The following FSD1L variants were observed in gnomAD, a reference collection of about 807,000 sequenced individuals.
FSD1L encodes FSD1-like protein.
A neutral mutation model predicts 71.6 loss-of-function variants in FSD1L; 45 were observed. The observed-to-expected ratio is 0.63, with a 90% confidence interval of 0.49 to 0.81. The LOEUF (loss-of-function observed/expected upper bound fraction) is 0.81. Ranked by LOEUF, FSD1L falls within the 30% of genes least tolerant of loss-of-function variation. FSD1L has a pLI of 0.00. For synonymous variants in FSD1L, 197 were observed against 207.2 expected, an observed-to-expected ratio of 0.95 and a Z score of 0.42; for missense variants, 561 against 618.1, an observed-to-expected ratio of 0.91 and a Z score of 0.98.
chr9:105,519,040 A>G (rs1176325080), intron 10 of FSD1L, among the ~76,000 whole-genome samples: 1 of 152,270 alleles, frequency 6.6e-6, no homozygotes. Context: ...CTCTATGCAA[A>G]TAAACTAGAA....
At chr9:105,513,257 C>G (rs1431088688) in intron 10 of FSD1L, among the ~76,000 whole-genome samples, 1 of 152,058 alleles carries the variant, frequency 6.6e-6, no homozygotes. Flanking sequence ...ACTTATAGAT[C>G]ACCTATCTTA....
At chr9:105,455,387 C>T (rs935410390) in intron 1 of FSD1L, among the ~76,000 whole-genome samples, 1 of 151,200 alleles carries the variant, frequency 6.6e-6, no homozygotes, top group African/African-American at 2.4e-5. Context: ...CCACTGGAGT[C>T]GATGGAGGGG....
chr9:105,482,300 C>T (rs964960584), intron 6 of FSD1L, among the ~76,000 whole-genome samples: 2 of 152,072 alleles, frequency 1.3e-5, no homozygotes, highest in African/African-American at 2.4e-5. Flanking sequence ...CTGGCATGTA[C>T]TTCTGGGGAC....
chr9:105,543,594 C>T (rs1005810790), intron 13 of FSD1L, among the ~76,000 whole-genome samples: 1 of 152,108 alleles, frequency 6.6e-6, no homozygotes, highest in African/African-American at 2.4e-5. Flanking sequence ...TCCCCCAACC[C>T]CACAACAGGC....
chr9:105,448,848 T>G (rs900686467), intron 1 of FSD1L, among the ~76,000 whole-genome samples: 13 of 152,360 alleles, frequency 8.5e-5, no homozygotes, highest in African/African-American at 3.1e-4. Context: ...CAGTTGGTGT[T>G]GCTGGGCACA....
intron 7 of FSD1L, among the ~76,000 whole-genome samples, chr9:105,502,605 C>G (rs1302069564): frequency 6.6e-6 from 1 of 152,024 alleles, no homozygotes; most frequent in East Asian, 1.9e-4. Flanking sequence ...TCTAGGTTTC[C>G]CATCACTTCT....
intron 10 of FSD1L, chr9:105,523,520 T>A: frequency 6.2e-7 from 1 of 1,612,982 alleles, no homozygotes; most frequent in Non-Finnish European, 8.5e-7. Context: ...AAGTTTTTGA[T>A]TACCTCTGTG....
At chr9:105,496,243 G>A (rs975433900) in intron 7 of FSD1L, among the ~76,000 whole-genome samples, 6 of 129,804 alleles carry the variant, frequency 4.6e-5, no homozygotes, top group South Asian at 2.5e-4. Flanking sequence ...TCGCTGTGTC[G>A]CCCAGGCTGG....
intron 5 of FSD1L, among the ~76,000 whole-genome samples, chr9:105,474,920 C>A (rs184689706): frequency 3.3e-4 from 51 of 152,284 alleles, no homozygotes; most frequent in African/African-American, 1.0e-3. Context: ...GATTTTAGAA[C>A]ATACCTTCAC....
chr9:105,547,288 T>C lies in FSD1L; in HGVS notation c.*805T>C, dbSNP rs184527229. ...TTGTCTAGTTTAATCCTACCTTTAA[T>C]AGTTGTGTTTGGTAAAATTCCCACT... On this transcript the variant is annotated 3_prime_UTR_variant, in exon 14 of 14. Coordinates refer to ENST00000481272, the MANE Select transcript of FSD1L (RefSeq NM_001145313.3). 1 of 133,248 alleles carries C rather than the reference T, an allele frequency of 7.5e-6. No individual in the cohort carries two copies. The highest frequency in any genetic ancestry group is 2.7e-5 in the African/African-American group (1 of 36,458). 8.3% of individuals were successfully genotyped at this position (133,248 alleles called of 1,614,324 possible).
chr9:105,457,792 G>T (rs1830448032), intron 1 of FSD1L, among the ~76,000 whole-genome samples: 1 of 152,178 alleles, frequency 6.6e-6, no homozygotes, highest in Non-Finnish European at 1.5e-5. Flanking sequence ...AGTGAGTTTG[G>T]GGTCCGGCCA....
chr9:105,521,676 A>G (rs1835168178), intron 10 of FSD1L: 6 of 1,613,208 alleles, frequency 3.7e-6, no homozygotes. Flanking sequence ...TGATATTTCA[A>G]TGGAAGAAGG....
chr9:105,522,967 T>C (rs745761492), intron 10 of FSD1L: 164 of 1,613,888 alleles, frequency 1.0e-4, no homozygotes, highest in Non-Finnish European at 1.3e-4. Flanking sequence ...AGTGATCTTA[T>C]CAGCTCAGAT....
At chr9:105,509,486 T>A (rs1834273330) in intron 9 of FSD1L, among the ~76,000 whole-genome samples, 1 of 152,182 alleles carries the variant, frequency 6.6e-6, no homozygotes, top group Admixed American at 6.5e-5. Context: ...AGTTGTGAGA[T>A]GGTTATTGAC....
At chr9:105,524,875 A>G in intron 10 of FSD1L, 1 of 1,574,842 alleles carries the variant, frequency 6.3e-7, no homozygotes, top group South Asian at 1.1e-5. Flanking sequence ...GACAATCATT[A>G]CAGTGAAAGT....
At chr9:105,461,041 A>G (rs926799093) in intron 1 of FSD1L, among the ~76,000 whole-genome samples, 14 of 152,394 alleles carry the variant, frequency 9.2e-5, no homozygotes, top group African/African-American at 3.1e-4. Context: ...TTATATCCAC[A>G]TATAGCTATT....
Position 105,526,184 on chromosome 9 carries a change from C to G in FSD1L, c.1026-8309C>G, listed in dbSNP as rs1835495279. Reference sequence around the variant, plus strand: ...ATGGTTAGAGCAACAGCTATAAATGCAAGCCGTGCTCTGAAATCTCTGATT... The same window carrying G: ...ATGGTTAGAGCAACAGCTATAAATGGAAGCCGTGCTCTGAAATCTCTGATT... On this transcript the variant is annotated intron_variant, in intron 10 of 13. Coordinates refer to ENST00000481272, the MANE Select transcript of FSD1L (RefSeq NM_001145313.3). 3 of 1,592,360 alleles carry G rather than the reference C, an allele frequency of 1.9e-6. No homozygotes were observed. The East Asian group carries it at 6.7e-5, about 36-fold the overall frequency.
At chr9:105,522,544 C>T (rs1385671838) in intron 10 of FSD1L, 5 of 1,613,468 alleles carry the variant, frequency 3.1e-6, no homozygotes, top group Non-Finnish European at 4.2e-6. Flanking sequence ...CAAATACTTC[C>T]CCGCTCAACT....
At chr9:105,534,986 T>C (rs1836174091) in intron 11 of FSD1L, 81 bp from the exon 12 acceptor site, 6 of 1,427,942 alleles carry the variant, frequency 4.2e-6, no homozygotes, top group Middle Eastern at 1.8e-4. Context: ...TTTTGTGTCT[T>C]TTTTTGGGAC....
Sources: allele counts gnomAD v4.1 joint callset (sites outside exome capture counted in the v4.1 genomes callset), GRCh38; gene constraint gnomAD v4.1.1; transcripts MANE v1.5; gene names NCBI Gene and HGNC (gene_info 2026-07-23, HGNC 2026-07-21).